NUBPL: variants seen among roughly 807,000 people sequenced by gnomAD.
NUBPL encodes the protein iron-sulfur cluster transfer protein NUBPL.
A neutral mutation model predicts 45.7 loss-of-function variants in NUBPL; 31 were observed. The ratio of observed to expected loss-of-function variants is 0.68; its 90% CI spans 0.51 to 0.92. The LOEUF (loss-of-function observed/expected upper bound fraction) is 0.92. Among genes scored for constraint, NUBPL ranks in the 40% least tolerant of loss-of-function variants. The pLI, the probability that NUBPL is intolerant of heterozygous loss-of-function variation, is 0.00. For synonymous variants in NUBPL, 144 were observed against 140.9 expected (o/e 1.02, Z -0.15); for missense variants, 401 against 398.7 (o/e 1.01, Z -0.05).
At chr14:31,647,151 C>T (rs2035877029) in intron 4 of NUBPL, among the ~76,000 whole-genome samples, 1 of 152,080 alleles carries the variant, frequency 6.6e-6, no homozygotes, top group Non-Finnish European at 1.5e-5. Flanking sequence ...CTTAAAAGTG[C>T]TATTTTGAAT....
At chr14:31,666,263 A>ATTTTTT in intron 4 of NUBPL, among the ~76,000 whole-genome samples, 1 of 111,886 alleles carries the variant, frequency 8.9e-6, no homozygotes, top group Non-Finnish European at 1.9e-5. Context: ...ATATATATAT[A>ATTTTTT]ATTTTATTTT....
At chr14:31,776,905 A>G (rs544559229) in intron 6 of NUBPL, among the ~76,000 whole-genome samples, 109 of 152,226 alleles carry the variant, frequency 7.2e-4, no homozygotes, top group Non-Finnish European at 1.2e-3. Flanking sequence ...CAGTTCTAGG[A>G]CAAAGGAATA....
intron 4 of NUBPL, among the ~76,000 whole-genome samples, chr14:31,607,068 T>C (rs2034620106): frequency 1.3e-5 from 2 of 152,126 alleles, no homozygotes; most frequent in African/African-American, 4.8e-5. Flanking sequence ...ATTAACCTTC[T>C]CTAATTTTCA....
chr14:31,737,316 T>C (rs1029945899), intron 6 of NUBPL, among the ~76,000 whole-genome samples: 4 of 152,198 alleles, frequency 2.6e-5, no homozygotes, highest in Non-Finnish European at 4.4e-5. Context: ...TTTTGAATAG[T>C]GTGAAATAAG....
intron 7 of NUBPL, among the ~76,000 whole-genome samples, chr14:31,813,824 T>C (rs138056817): frequency 6.6e-6 from 1 of 152,320 alleles, no homozygotes; most frequent in African/African-American, 2.4e-5. Flanking sequence ...CTGAAAATGA[T>C]GATTTCCAGC....
intron 6 of NUBPL, among the ~76,000 whole-genome samples, chr14:31,739,240 C>CTATATATATATTATATTA (rs2038229748): frequency 8.0e-5 from 8 of 100,606 alleles, no homozygotes; most frequent in African/African-American, 4.4e-4. Flanking sequence ...ATATTATATT[C>CTATATATATATTATATTA]TATATATATA....
chr14:31,605,844 C>T (rs945537220), intron 4 of NUBPL, among the ~76,000 whole-genome samples: 2 of 142,942 alleles, frequency 1.4e-5, no homozygotes, highest in Non-Finnish European at 3.0e-5. Flanking sequence ...TCCTTTCTTC[C>T]TCCTCCCTTC....
chr14:31,791,999 A>C (rs1044517552), intron 7 of NUBPL, among the ~76,000 whole-genome samples: 5 of 152,106 alleles, frequency 3.3e-5, no homozygotes, highest in Non-Finnish European at 7.4e-5. Flanking sequence ...TATGATTTCT[A>C]TTTTCTTAAA....
intron 6 of NUBPL, among the ~76,000 whole-genome samples, chr14:31,733,824 A>G (rs1217653563): frequency 1.3e-5 from 2 of 152,188 alleles, no homozygotes; most frequent in African/African-American, 4.8e-5. Flanking sequence ...AAGTGGTGAG[A>G]ATGTATTTAC....
intron 7 of NUBPL, among the ~76,000 whole-genome samples, chr14:31,825,008 T>C (rs2040074659): frequency 6.6e-6 from 1 of 152,184 alleles, no homozygotes; most frequent in African/African-American, 2.4e-5. Context: ...AAAGAAAAAT[T>C]GTGCTGCACT....
At chr14:31,622,988 C>G (rs2035106483) in intron 4 of NUBPL, among the ~76,000 whole-genome samples, 1 of 152,222 alleles carries the variant, frequency 6.6e-6, no homozygotes, top group Non-Finnish European at 1.5e-5. Context: ...CGTAGTCACT[C>G]AATGTCAGTT....
At chr14:31,607,147 G>A (rs541419766) in intron 4 of NUBPL, among the ~76,000 whole-genome samples, 6 of 152,236 alleles carry the variant, frequency 3.9e-5, no homozygotes, top group East Asian at 1.9e-4. Flanking sequence ...TCGTGAGGCC[G>A]AGGCGGGCAG....
At chr14:31,716,933 A>C (rs188832896) in intron 6 of NUBPL, among the ~76,000 whole-genome samples, 2 of 152,186 alleles carry the variant, frequency 1.3e-5, no homozygotes, top group Non-Finnish European at 1.5e-5. Context: ...CTCTGCTGCT[A>C]TCCTTCCCTA....
intron 6 of NUBPL, among the ~76,000 whole-genome samples, chr14:31,706,753 A>G (rs532964235): frequency 6.6e-6 from 1 of 152,270 alleles, no homozygotes; most frequent in African/African-American, 2.4e-5. Context: ...ACTTCCTGCA[A>G]ATTGTCTGAG....
At chr14:31,834,367 G>A (rs1351040151) in intron 8 of NUBPL, among the ~76,000 whole-genome samples, 2 of 151,982 alleles carry the variant, frequency 1.3e-5, no homozygotes, top group Non-Finnish European at 2.9e-5. Flanking sequence ...TTTTAGTAGA[G>A]ACGGGGTTTC....
At chr14:31,824,625 C>T (rs1334519610) in intron 7 of NUBPL, among the ~76,000 whole-genome samples, 4 of 152,128 alleles carry the variant, frequency 2.6e-5, no homozygotes, top group African/African-American at 9.7e-5. Flanking sequence ...TTGAGTTTGG[C>T]ATGCCCATAC....
chr14:31,838,823 T>C (rs991777050), intron 8 of NUBPL, among the ~76,000 whole-genome samples: 1 of 152,180 alleles, frequency 6.6e-6, no homozygotes, highest in Non-Finnish European at 1.5e-5. Context: ...TATTTTATCC[T>C]TATAAGACAT....
intron 6 of NUBPL, among the ~76,000 whole-genome samples, chr14:31,750,267 C>T (rs927801577): frequency 1.5e-4 from 23 of 150,928 alleles, no homozygotes; most frequent in South Asian, 4.2e-4. Context: ...CTCCGCCTCC[C>T]GGGTTCACGC....
intron 4 of NUBPL, 145 bp downstream of exon 4, chr14:31,599,524 T>C (rs1368071487): frequency 1.6e-6 from 1 of 630,024 alleles, no homozygotes; most frequent in Non-Finnish European, 2.8e-6. Context: ...TCTTGGAAAC[T>C]GTTACTTTAA....
Sources: gnomAD v4.1 joint callset for allele counts (sites outside exome capture counted in the v4.1 genomes callset) on GRCh38, gnomAD v4.1.1 for gene constraint, MANE v1.5 for transcripts, NCBI Gene and HGNC (gene_info 2026-07-23, HGNC 2026-07-21) for gene names.